APPBP2: variants seen among roughly 807,000 people sequenced by gnomAD.
APPBP2 encodes amyloid beta precursor protein binding protein 2.
A neutral mutation model predicts 76.0 loss-of-function variants in APPBP2; 15 were observed. That is an observed-to-expected ratio of 0.20 (90% confidence interval 0.13 to 0.30). APPBP2 has a LOEUF of 0.30. Ranked by LOEUF, APPBP2 falls within the 10% of genes least tolerant of loss-of-function variation. The pLI is 1.00. For missense variants in APPBP2, 401 were observed against 687.2 expected (o/e 0.58, Z 4.66); for synonymous variants, 222 against 242.2 (o/e 0.92, Z 0.77).
chr17:60,453,544 T>TG (rs937939406), intron 11 of APPBP2, among the ~76,000 whole-genome samples: 1 of 150,708 alleles, frequency 6.6e-6, no homozygotes, highest in African/African-American at 2.5e-5. Context: ...CTGTTTTTTT[T>TG]TTTGTTTTTT....
intron 2 of APPBP2, among the ~76,000 whole-genome samples, chr17:60,495,264 G>A (rs149398937): frequency 1.0e-3 from 152 of 151,820 alleles, no homozygotes; most frequent in Middle Eastern, 3.4e-3. Context: ...GGGATTACAG[G>A]TGTGAGCCAC....
Position 60,465,223 on chromosome 17 carries a change from C to T in APPBP2, c.672+1068G>A, listed in dbSNP as rs1320978390. ...TACGTTCCAGATAGACCCAAAACCA[C>T]GCTGTGTCTTGATCAAAGCGTAGGT... On this transcript the variant is annotated intron_variant, in intron 5 of 12. Transcript: ENST00000083182. 2.0e-5 allele frequency: 3 copies of T among 152,214 alleles called. No individual in the cohort carries two copies. The East Asian group carries it at 5.8e-4, about 29-fold the overall frequency. 9.4% of individuals were successfully genotyped at this position (152,214 alleles called of 1,614,324 possible).
At chr17:60,460,582 A>G (rs370774103) in intron 9 of APPBP2, 81 bp downstream of exon 9, 9 of 1,413,152 alleles carry the variant, frequency 6.4e-6, no homozygotes, top group East Asian at 4.9e-5. Flanking sequence ...TATTAATGTA[A>G]TAATAGTTCC....
At position 60,460,670 on chromosome 17, in the gene APPBP2, T is replaced by C; in HGVS notation, c.1054A>G (p.Asn352Asp). ...AAGGAATGTGGAACTTACAGTGCAT[T>C]GTCAAATTTCCCAGAGCTATACTGG... ...VHQYSSGKFDNALFHAERAIG... is the reference protein window; with the variant it reads ...VHQYSSGKFDDALFHAERAIG... Residue 352 changes from asparagine (N) to aspartate (D), a missense_variant, in exon 9 of 13, where the codon AAT becomes GAT. By Grantham distance (23) the Asn-to-Asp change is conservative. This residue lies in a region of APPBP2 where 130 missense variants were observed against 322.7 expected (regional missense o/e 0.40). Transcript: ENST00000083182. 1.9e-6 allele frequency: 3 copies of C among 1,611,386 alleles called. No homozygotes were observed. Among genetic ancestry groups the C allele is most frequent in the Non-Finnish European group, 2.5e-6 (3 of 1,178,784 alleles).
chr17:60,462,176 T>C (rs937004841), intron 6 of APPBP2, 115 bp from the exon 7 acceptor site: 4 of 781,748 alleles, frequency 5.1e-6, no homozygotes, highest in African/African-American at 1.8e-5. Flanking sequence ...CCTCCAAACA[T>C]AAATACAAAG....
At chr17:60,471,924 G>A (rs796993250) in intron 4 of APPBP2, among the ~76,000 whole-genome samples, 8 of 152,204 alleles carry the variant, frequency 5.3e-5, no homozygotes, top group African/African-American at 9.6e-5. Flanking sequence ...TCAGGAGTTC[G>A]AGACCAGCCT....
intron 4 of APPBP2, among the ~76,000 whole-genome samples, chr17:60,473,929 A>C (rs1389963180): frequency 6.6e-6 from 1 of 152,148 alleles, no homozygotes; most frequent in Non-Finnish European, 1.5e-5. Flanking sequence ...AGTACTTCTG[A>C]ATCTCTGTAT....
intron 4 of APPBP2, among the ~76,000 whole-genome samples, chr17:60,475,663 A>ACGCG (rs201654814): frequency 6.7e-6 from 1 of 149,782 alleles, no homozygotes; most frequent in Admixed American, 6.7e-5. Context: ...ACACACACAC[A>ACGCG]CACACACACA....
chr17:60,500,194 T>G (rs940722294), intron 2 of APPBP2, among the ~76,000 whole-genome samples: 2 of 152,052 alleles, frequency 1.3e-5, no homozygotes, highest in African/African-American at 4.8e-5. Context: ...GTATTTTTAG[T>G]AGAGACAGGG....
At chr17:60,523,955 T>G (rs1479304455) in intron 1 of APPBP2, among the ~76,000 whole-genome samples, 1 of 152,144 alleles carries the variant, frequency 6.6e-6, no homozygotes, top group Non-Finnish European at 1.5e-5. Context: ...TTCTGAAGAT[T>G]AAACAAAATA....
chr17:60,515,408 G>A (rs1250073099), intron 1 of APPBP2, among the ~76,000 whole-genome samples: 1 of 152,054 alleles, frequency 6.6e-6, no homozygotes, highest in Non-Finnish European at 1.5e-5. Context: ...GAGCCACCAC[G>A]CCCAGCCTAT....
In APPBP2 at chr17:60,447,659, G is replaced by A. The variant is rs879240208; in HGVS notation, c.1680C>T (p.Val560=). ...QYSVTDALED[V]STSPQSTEEV... is the part of the protein sequence containing the mutation. The stretch of plus-strand genomic sequence containing the variant: ...CTTCAGTGGACTGGGGGCTGGTGCT[G>A]ACATCTTCAAGAGCATCTGTCACTG... The change falls in exon 13 of 13, where the codon GTC becomes GTT. Residue 560 remains valine, a synonymous_variant. Transcript: ENST00000083182. 6.2e-7 allele frequency: 1 copy of A among 1,614,064 alleles called. No homozygotes were observed. Among genetic ancestry groups the A allele is most frequent in the Non-Finnish European group, 8.5e-7 (1 of 1,180,024 alleles).
chr17:60,479,112 T>C, intron 4 of APPBP2, 36 bp downstream of exon 4: 2 of 1,597,334 alleles, frequency 1.3e-6, no homozygotes, highest in South Asian at 1.1e-5. Flanking sequence ...CTAAATACTG[T>C]TATAGCACGT....
intron 2 of APPBP2, among the ~76,000 whole-genome samples, chr17:60,498,778 G>T (rs1429228285): frequency 2.0e-5 from 3 of 152,060 alleles, no homozygotes; most frequent in Admixed American, 1.3e-4. Flanking sequence ...ACTGGAAAAA[G>T]ACAAGACAGG....
At chr17:60,482,985 A>G (rs2090642959) in intron 3 of APPBP2, among the ~76,000 whole-genome samples, 1 of 152,224 alleles carries the variant, frequency 6.6e-6, no homozygotes, top group Admixed American at 6.5e-5. Flanking sequence ...TTCTAGTTCT[A>G]GATCCTTGAG....
chr17:60,503,527 A>G (rs1361292293), intron 1 of APPBP2, among the ~76,000 whole-genome samples: 1 of 144,902 alleles, frequency 6.9e-6, no homozygotes, highest in Non-Finnish European at 1.5e-5. Flanking sequence ...CTGGGATTAC[A>G]GGCGCCCGCC....
intron 2 of APPBP2, among the ~76,000 whole-genome samples, chr17:60,494,966 T>G (rs556069572): frequency 5.4e-5 from 7 of 128,882 alleles, no homozygotes; most frequent in South Asian, 2.1e-4. Flanking sequence ...GATAGAAGAG[T>G]TTTTTTTGTT....
At chr17:60,520,548 A>G (rs932014024) in intron 1 of APPBP2, among the ~76,000 whole-genome samples, 1 of 150,452 alleles carries the variant, frequency 6.6e-6, no homozygotes, top group Non-Finnish European at 1.5e-5. Flanking sequence ...ACTCGAGCCC[A>G]GGCAACAGAA....
At chr17:60,500,569 G>C (rs902975939) in intron 1 of APPBP2, 82 bp from the exon 2 acceptor site, 2 of 993,126 alleles carry the variant, frequency 2.0e-6, no homozygotes, top group Non-Finnish European at 3.0e-6. Context: ...AATGTAATTT[G>C]ATTAATTTCA....
Sources: allele counts gnomAD v4.1 joint callset (sites outside exome capture counted in the v4.1 genomes callset), GRCh38; gene constraint gnomAD v4.1.1; regional missense constraint gnomAD v4.1.1; transcripts MANE v1.5; gene names NCBI Gene and HGNC (gene_info 2026-07-23, HGNC 2026-07-21).